Variants in MYH11 observed in about 807,000 individuals in gnomAD.
The protein encoded by MYH11 is myosin-11.
MYH11 carries 80 observed loss-of-function variants against 246.6 expected under a neutral mutation model. The ratio of observed to expected loss-of-function variants is 0.32; its 90% CI spans 0.27 to 0.39. The LOEUF (loss-of-function observed/expected upper bound fraction) is 0.39. Ranked by LOEUF, MYH11 falls within the 10% of genes least tolerant of loss-of-function variation. MYH11 has a pLI of 1.00. For synonymous variants in MYH11, 1,071 were observed against 1,015.5 expected (o/e 1.05, Z -1.04); for missense variants, 2,158 against 2,546.8 (o/e 0.85, Z 3.29).
chr16:15,833,066 T>C (rs531483705), intron 2 of MYH11, among the ~76,000 whole-genome samples: 2 of 148,160 alleles, frequency 1.3e-5, no homozygotes, highest in South Asian at 4.3e-4. Context: ...GAGGCCGAAG[T>C]GGTGAAGATT....
At chr16:15,784,921 C>T in intron 5 of MYH11, 1 of 577,744 alleles carries the variant, frequency 1.7e-6, no homozygotes, top group East Asian at 3.0e-5. Context: ...GCAGTCTCAA[C>T]CTACTGGGCT....
chr16:15,820,044 C>CAA (rs201477909), intron 3 of MYH11, among the ~76,000 whole-genome samples: 2 of 151,464 alleles, frequency 1.3e-5, no homozygotes, highest in African/African-American at 4.8e-5. Context: ...TTGGAAAGGC[C>CAA]AAAAAAAAGA....
intron 1 of MYH11, among the ~76,000 whole-genome samples, chr16:15,848,883 C>T (rs926249322): frequency 6.6e-5 from 10 of 152,128 alleles, no homozygotes; most frequent in African/African-American, 1.4e-4. Context: ...AGAGACGGAC[C>T]GCCAGTTGGC....
At chr16:15,706,774 ACT>A (rs1393380956) in intron 40 of MYH11, among the ~76,000 whole-genome samples, 3 of 151,912 alleles carry the variant, frequency 2.0e-5, no homozygotes, top group South Asian at 2.1e-4. Flanking sequence ...TGCTCTAGGC[ACT>A]CTCTTTTTGG....
At chr16:15,829,972 T>C (rs1222452059) in intron 2 of MYH11, among the ~76,000 whole-genome samples, 1 of 152,006 alleles carries the variant, frequency 6.6e-6, no homozygotes, top group Non-Finnish European at 1.5e-5. Context: ...TCATCTCTAC[T>C]AAAAATACAA....
At chr16:15,805,816 T>C (rs1412424216) in intron 3 of MYH11, among the ~76,000 whole-genome samples, 2 of 152,068 alleles carry the variant, frequency 1.3e-5, no homozygotes, top group East Asian at 3.8e-4. Context: ...CTCAAGAGGC[T>C]GAGGTGGGAC....
intron 9 of MYH11, among the ~76,000 whole-genome samples, chr16:15,768,930 G>A (rs2042039468): frequency 1.3e-5 from 2 of 152,066 alleles, no homozygotes; most frequent in African/African-American, 4.8e-5. Context: ...CTGATTGTTT[G>A]AGCCCAGGAG....
At chr16:15,785,831 C>T (rs1219634226) in intron 5 of MYH11, 1 of 155,416 alleles carries the variant, frequency 6.4e-6, no homozygotes, top group East Asian at 1.9e-4. Context: ...TCCTCCCAAG[C>T]TCTTAGTCAT....
intron 40 of MYH11, among the ~76,000 whole-genome samples, chr16:15,708,264 G>A (rs991213183): frequency 6.6e-6 from 1 of 152,210 alleles, no homozygotes; most frequent in African/African-American, 2.4e-5. Flanking sequence ...GCCTGTGAAA[G>A]CTGAATCATG....
intron 2 of MYH11, among the ~76,000 whole-genome samples, chr16:15,835,686 T>C (rs1475831691): frequency 1.3e-5 from 2 of 151,902 alleles, no homozygotes; most frequent in East Asian, 1.9e-4. Context: ...ACTTAACATG[T>C]AGCAGGAAGT....
chr16:15,818,701 G>C (rs1316591248), intron 3 of MYH11, among the ~76,000 whole-genome samples: 1 of 152,140 alleles, frequency 6.6e-6, no homozygotes, highest in Admixed American at 6.5e-5. Context: ...CTCCCAAAGT[G>C]CTGGGATTAC....
chr16:15,708,783 C>T (rs747927379), intron 40 of MYH11: 15 of 1,602,002 alleles, frequency 9.4e-6, no homozygotes, highest in South Asian at 2.3e-5. Flanking sequence ...CACACAGCTG[C>T]GAAGCTGAAG....
chr16:15,847,251 T>C (rs941227416), intron 1 of MYH11, among the ~76,000 whole-genome samples: 3 of 138,632 alleles, frequency 2.2e-5, no homozygotes, highest in Non-Finnish European at 4.9e-5. Flanking sequence ...GACTTCTTTT[T>C]TTTTTTTTTT....
At chr16:15,755,570 CTT>C (rs2041690161) in intron 14 of MYH11, among the ~76,000 whole-genome samples, 1 of 152,150 alleles carries the variant, frequency 6.6e-6, no homozygotes, top group South Asian at 2.1e-4. Flanking sequence ...AGGGAGATCT[CTT>C]GAGCCCAGGA....
At chr16:15,747,530 T>C (rs2041450808) in intron 19 of MYH11, 40 bp downstream of exon 19, 1 of 1,613,298 alleles carries the variant, frequency 6.2e-7, no homozygotes, top group Admixed American at 1.7e-5. Context: ...CTGTTTGTGA[T>C]TCGCGTTTGA....
intron 37 of MYH11, chr16:15,717,731 G>A (rs941736216): frequency 6.1e-6 from 2 of 326,388 alleles, no homozygotes; most frequent in African/African-American, 4.2e-5. Context: ...GGGAGGCAGA[G>A]GTTGCAGTGA....
At position 15,750,050 on chromosome 16, in the gene MYH11, TG is replaced by T; in HGVS notation, c.2058+87del. On this transcript the variant is annotated intron_variant, in intron 16 of 40. Coordinates refer to ENST00000300036, the MANE Select transcript of MYH11 (RefSeq NM_002474.3). The surrounding 1 kb of genome is among the most constrained non-coding windows in gnomAD (Gnocchi z 4.3). ...TGGAAAATGGGGTCCTCGGGGTAGG[TG>T]GGGGCAGAGGGCGCCCTGGGGACGC... is the stretch of plus-strand genomic sequence containing the variant. 2 of 1,520,590 alleles carry T rather than the reference TG, an allele frequency of 1.3e-6. No individual in the cohort carries two copies. The highest frequency in any genetic ancestry group is 1.8e-6 in the Non-Finnish European group (2 of 1,104,878). 94.2% of individuals were successfully genotyped at this position (1,520,590 alleles called of 1,614,324 possible). A position where few individuals can be genotyped will look rare whatever the true frequency, so the allele number is the denominator to read the frequency against.
Position 15,782,259 on chromosome 16 carries a change from G to T in MYH11, c.726+126C>A, listed in dbSNP as rs2042372873. 5 of 783,382 alleles carry T rather than the reference G, an allele frequency of 6.4e-6. No individual in the cohort carries two copies. In the Admixed American group the frequency reaches 7.4e-5, roughly 12 times the overall value. 48.5% of individuals were successfully genotyped at this position (783,382 alleles called of 1,614,324 possible). ...GAGAGGCAGGAGCCCTTGCAAGATT[G>T]TGAGATACAGCCCATCTCTCCAGGG... is the stretch of plus-strand genomic sequence containing the variant. On this transcript the variant is annotated intron_variant, in intron 6 of 40. Coordinates refer to ENST00000300036, the MANE Select transcript of MYH11 (RefSeq NM_002474.3).
At chr16:15,755,943 A>C (rs2041701452) in intron 14 of MYH11, among the ~76,000 whole-genome samples, 1 of 152,060 alleles carries the variant, frequency 6.6e-6, no homozygotes, top group African/African-American at 2.4e-5. Flanking sequence ...AAAAGGAAAA[A>C]AGATTTTAGC....
Sources: gnomAD v4.1 joint callset for allele counts (sites outside exome capture counted in the v4.1 genomes callset) on GRCh38, gnomAD v4.1.1 for gene constraint, Gnocchi (gnomAD v3.1) non-coding constraint, MANE v1.5 for transcripts, NCBI Gene and HGNC (gene_info 2026-07-23, HGNC 2026-07-21) for gene names.